ARAP2: variants seen among roughly 807,000 people sequenced by gnomAD.
The protein encoded by ARAP2 is arf-GAP with Rho-GAP domain, ANK repeat and PH domain-containing protein 2.
Under a neutral mutation model 194.5 loss-of-function variants are expected in ARAP2, and 148 were observed. That is an observed-to-expected ratio of 0.76 (90% confidence interval 0.67 to 0.87). The LOEUF (loss-of-function observed/expected upper bound fraction) is 0.87. Ranked by LOEUF, ARAP2 falls within the 40% of genes least tolerant of loss-of-function variation. The pLI is 0.00. For synonymous variants in ARAP2, 695 were observed against 683.5 expected (o/e 1.02, Z -0.26); for missense variants, 2,128 against 1,989.7 (o/e 1.07, Z -1.32).
At chr4:36,178,868 A>T (rs373398858) in intron 8 of ARAP2, among the ~76,000 whole-genome samples, 3 of 152,338 alleles carry the variant, frequency 2.0e-5, no homozygotes, top group East Asian at 1.9e-4. Flanking sequence ...GGGGTAAAAA[A>T]GAGGTATATG....
intron 2 of ARAP2, among the ~76,000 whole-genome samples, chr4:36,222,982 A>G (rs546810498): frequency 6.6e-6 from 1 of 151,988 alleles, no homozygotes; most frequent in Admixed American, 6.6e-5. Context: ...TCATCCTTGT[A>G]TTGCACTCCT....
chr4:36,244,463 G>GCCCGCGCCTTGCTCAGGTGCT lies in ARAP2; in HGVS notation c.-465_-445dup, dbSNP rs944807681. ...CAGCTCCGGAAACGCCGAGCCCGGC[G>GCCCGCGCCTTGCTCAGGTGCT]CCCGCGCCTTGCTCAGGTGCTCCCG... On this transcript the variant is annotated 5_prime_UTR_variant, in exon 1 of 33. Coordinates refer to ENST00000303965, the MANE Select transcript of ARAP2 (RefSeq NM_015230.4). 5.3e-5 allele frequency: 8 copies of GCCCGCGCCTTGCTCAGGTGCT among 150,728 alleles called. No homozygotes were observed. The highest frequency in any genetic ancestry group is 1.3e-4 in the Admixed American group (2 of 15,158). 9.3% of individuals were successfully genotyped at this position (150,728 alleles called of 1,614,324 possible).
intron 6 of ARAP2, among the ~76,000 whole-genome samples, chr4:36,208,201 T>TGCA (rs1745976694): frequency 6.6e-6 from 1 of 152,154 alleles, no homozygotes; most frequent in Non-Finnish European, 1.5e-5. Flanking sequence ...AGGAGACATT[T>TGCA]TAGCATGAAT....
chr4:36,210,292 C>T (rs4394022), intron 6 of ARAP2, 98 bp downstream of exon 6: 3 of 1,030,416 alleles, frequency 2.9e-6, no homozygotes, highest in Non-Finnish European at 4.2e-6. Context: ...GTGTGTGTGG[C>T]GGTGGAGTGG....
intron 5 of ARAP2, among the ~76,000 whole-genome samples, chr4:36,019,841 T>C (rs752307533): frequency 1.6e-4 from 25 of 152,242 alleles, no homozygotes; most frequent in Admixed American, 1.1e-3. Context: ...TTAAGTCCCA[T>C]GACAAACTTA....
At chr4:36,043,354 A>G (rs190188748) in intron 5 of ARAP2, among the ~76,000 whole-genome samples, 20 of 152,294 alleles carry the variant, frequency 1.3e-4, no homozygotes, top group Non-Finnish European at 2.6e-4. Context: ...TTTTCTTCCC[A>G]TACTTCACTT....
intron 14 of ARAP2, 77 bp from the exon 15 acceptor site, chr4:36,158,941 A>G: frequency 7.7e-7 from 1 of 1,297,592 alleles, no homozygotes. Flanking sequence ...TATGTACATG[A>G]GTTTTGAGCT....
At chr4:36,089,996 A>G (rs1014642137) in intron 28 of ARAP2, among the ~76,000 whole-genome samples, 11 of 152,004 alleles carry the variant, frequency 7.2e-5, no homozygotes, top group African/African-American at 2.4e-4. Context: ...GAATTTTTAC[A>G]TATATTATTA....
chr4:36,140,705 A>G (rs996428617), intron 19 of ARAP2, among the ~76,000 whole-genome samples: 2 of 151,720 alleles, frequency 1.3e-5, no homozygotes, highest in African/African-American at 4.8e-5. Flanking sequence ...AACTAAACTT[A>G]GGGTGCTAAT....
rs545358937 is a variant in ARAP2 at position 36,224,858 on chromosome 4, T to C, written c.905+3724A>G. Among the ~76,000 whole-genome samples, 6 of 152,258 alleles carry C rather than the reference T, an allele frequency of 3.9e-5. No homozygotes were observed. The East Asian group carries it at 1.2e-3, about 29-fold the overall frequency. On this transcript the variant is annotated intron_variant, in intron 2 of 32. Transcript: ENST00000303965. ...TCTACTATAACGTGAAACATAAAAT[T>C]TTCTTGAAGATGAAAATGAAGGATA... is the stretch of plus-strand genomic sequence containing the variant.
rs746230189 is a variant in ARAP2 at position 36,068,298 on chromosome 4, T to C, written c.4744-20A>G. Reference sequence around the variant, plus strand: ...TGCACTCTAAAAATAAAATTAAATGTCTCACAGGGAAGCAAGATTTGGCAC... The same window carrying C: ...TGCACTCTAAAAATAAAATTAAATGCCTCACAGGGAAGCAAGATTTGGCAC... On this transcript the variant is annotated intron_variant, in intron 32 of 32. Transcript: ENST00000303965. The C allele has an allele frequency of 3.3e-6, 5 of 1,504,078 alleles. No homozygotes were observed. Among genetic ancestry groups the C allele is most frequent in the Non-Finnish European group, 4.4e-6 (5 of 1,129,300 alleles). The allele number at this position is 1,504,078 out of a possible 1,614,324, so 93.2% of individuals were successfully genotyped here.
chr4:36,062,882 C>T (rs1260044092), downstream of ARAP2, among the ~76,000 whole-genome samples: 1 of 152,116 alleles, frequency 6.6e-6, no homozygotes, highest in Non-Finnish European at 1.5e-5. Context: ...AATTATACAA[C>T]TTAAAAACAT....
At chr4:36,165,307 T>C (rs990932640) in intron 10 of ARAP2, among the ~76,000 whole-genome samples, 194 bp from the exon 11 acceptor site, 2 of 152,228 alleles carry the variant, frequency 1.3e-5, no homozygotes, top group Non-Finnish European at 2.9e-5. Flanking sequence ...TTCCACACTG[T>C]TTATGTCTTT....
chr4:36,054,504 T>C (rs1018521548), intron 2 of ARAP2, among the ~76,000 whole-genome samples: 3 of 152,130 alleles, frequency 2.0e-5, no homozygotes, highest in Non-Finnish European at 4.4e-5. Flanking sequence ...GATGAGAAAT[T>C]AGTAACGATA....
At chr4:36,197,456 T>C (rs747509367) in intron 6 of ARAP2, among the ~76,000 whole-genome samples, 2 of 152,402 alleles carry the variant, frequency 1.3e-5, no homozygotes, top group East Asian at 1.9e-4. Flanking sequence ...GATTTTTATA[T>C]GACAAAATAA....
At position 36,148,649 on chromosome 4, in the gene ARAP2, GTTTGCA is replaced by G. The variant is rs2109710649; in HGVS notation, c.2898-148_2898-143del. ...ATCATCCTATTAGATTCTGTTAATG[GTTTGCA>G]TTTTATTCAAATGAGGTAAATGGAA... On this transcript the variant is annotated intron_variant, in intron 16 of 32. Transcript: ENST00000303965. The G allele has an allele frequency of 4.7e-6, 3 of 640,016 alleles. No homozygotes were observed. In the South Asian group the frequency reaches 6.3e-5, roughly 13 times the overall value. The allele number at this position is 640,016 out of a possible 1,614,324, so 39.6% of individuals were successfully genotyped here. A position where few individuals can be genotyped will look rare whatever the true frequency, so the allele number is the denominator to read the frequency against.
intron 6 of ARAP2, among the ~76,000 whole-genome samples, chr4:36,200,264 T>A (rs1744096979): frequency 6.6e-6 from 1 of 151,978 alleles, no homozygotes; most frequent in Non-Finnish European, 1.5e-5. Context: ...TTTATTTATT[T>A]TTTTTTTTGA....
chr4:36,198,240 T>G (rs73809151), intron 6 of ARAP2, among the ~76,000 whole-genome samples: 1 of 152,170 alleles, frequency 6.6e-6, no homozygotes, highest in Non-Finnish European at 1.5e-5. Context: ...AGCTCCTCCC[T>G]GCAGCTGGTC....
chr4:36,221,017 T>C (rs1340505788), intron 2 of ARAP2, among the ~76,000 whole-genome samples: 2 of 152,152 alleles, frequency 1.3e-5, no homozygotes, highest in African/African-American at 4.8e-5. Flanking sequence ...TTAAGTGCCC[T>C]ATACAAGTGT....
Sources: allele counts gnomAD v4.1 joint callset (sites outside exome capture counted in the v4.1 genomes callset), GRCh38; gene constraint gnomAD v4.1.1; transcripts MANE v1.5; gene names NCBI Gene and HGNC (gene_info 2026-07-23, HGNC 2026-07-21).